Variants in ADAM33 observed in about 807,000 individuals in gnomAD.
ADAM33 encodes ADAM metallopeptidase domain 33, also known as disintegrin and metalloproteinase domain-containing protein 33.
In ADAM33, 103 loss-of-function variants were observed where a neutral mutation model predicts 106.2. The ratio of observed to expected loss-of-function variants is 0.97; its 90% CI spans 0.83 to 1.14. ADAM33 has a LOEUF of 1.14. Ranked by LOEUF, ADAM33 falls within the 50% of genes most tolerant of loss-of-function variation. ADAM33 has a pLI of 0.00. For missense variants in ADAM33, 1,120 were observed against 1,096.6 expected, an observed-to-expected ratio of 1.02 and a Z score of -0.30; for synonymous variants, 483 against 453.0, an observed-to-expected ratio of 1.07 and a Z score of -0.84.
Position 3,673,639 on chromosome 20 carries a change from C to A in ADAM33, c.925G>T (p.Ala309Ser). The A allele has an allele frequency of 2.2e-6, 3 of 1,349,646 alleles. No individual in the cohort carries two copies. Among genetic ancestry groups the A allele is most frequent in the Non-Finnish European group, 2.8e-6 (3 of 1,057,934 alleles). 83.6% of individuals were successfully genotyped at this position (1,349,646 alleles called of 1,614,324 possible). Residue 309 changes from alanine (A) to serine (S), a missense_variant, in exon 10 of 22, where the codon GCC (alanine) becomes TCC (serine). Physicochemically the swap from Ala to Ser is moderately conservative, Grantham distance 99. Transcript: ENST00000356518. ...QLLTGRAFQGATVGLAPVEGM... is the reference protein window; with the variant it reads ...QLLTGRAFQGSTVGLAPVEGM... ...TCGACGGGCGCCAGGCCCACTGTGG[C>A]GCCCTGGAAGGCGCGGCCCCTGGGG...
In ADAM33 at chr20:3,671,446, GC is replaced by G. The variant is rs1246527292; in HGVS notation, c.1955del (p.Arg652ProfsTer3). 6.2e-7 allele frequency: 1 copy of G among 1,612,456 alleles called. No individual in the cohort carries two copies. The highest frequency in any genetic ancestry group is 8.5e-7 in the Non-Finnish European group (1 of 1,179,292). ...CRKNAFQELQRCLTACHSHGV... is the reference protein window; with the variant it reads ...CRKNAFQELQXCLTACHSHGV... ...CGTGGCTGTGGCAGGCAGTCAGGCA[GC>G]GCTGAAGCTCCTGGAAGGCATTCTT... On this transcript the variant is annotated frameshift_variant, in exon 17 of 22. Transcript: ENST00000356518. LOFTEE classifies it high-confidence loss of function.
At position 3,672,835 on chromosome 20, in the gene ADAM33, C is replaced by CT; in HGVS notation, c.1196dup (p.Gly402ArgfsTer31). On this transcript the variant is annotated frameshift_variant, in exon 12 of 22. Coordinates refer to ENST00000356518, the MANE Select transcript of ADAM33 (RefSeq NM_025220.5). LOFTEE classifies it high-confidence loss of function. ...CATTGGAGAGGCAAGCGCCGCCCCCCTTGCGGAAGAAGGCGCGCAGCTGGC... is the reference window on the plus strand; with the variant it reads ...CATTGGAGAGGCAAGCGCCGCCCCCCTTTGCGGAAGAAGGCGCGCAGCTGGC... 6.3e-7 allele frequency: 1 copy of CT among 1,576,686 alleles called. No individual in the cohort carries two copies. The highest frequency in any genetic ancestry group is 8.6e-7 in the Non-Finnish European group (1 of 1,168,402).
chr20:3,673,832 T>C lies in ADAM33; in HGVS notation c.818A>G (p.Gln273Arg). 6.4e-7 allele frequency: 1 copy of C among 1,560,582 alleles called. No homozygotes were observed. Among genetic ancestry groups the C allele is most frequent in the Non-Finnish European group, 8.6e-7 (1 of 1,161,068 alleles). The change falls in exon 9 of 22, where the codon CAG becomes CGG. Residue 273 changes from glutamine (Q) to arginine (R), a missense_variant. Transcript: ENST00000356518. ...WTERDRSRVT[Q>R]DANATLWAFL... is the part of the protein sequence containing the mutation. ...GGCCCAGAGCGTGGCGTTGGCGTCC[T>C]GCGTGACGCGGCTGCGGTCCCGCTC...
Position 3,669,312 on chromosome 20 carries a change from C to T in ADAM33, c.2391G>A (p.Ser797=), listed in dbSNP as rs768538096. Reference sequence around the variant, plus strand: ...GTCCCTGCCTACCTTGGGGGTCAGGCGAGACTGCTGGCAGAGGCTTCTCAG... The same window carrying T: ...GTCCCTGCCTACCTTGGGGGTCAGGTGAGACTGCTGGCAGAGGCTTCTCAG... ...SHPEKPLPAV[S]PDPQADQVQM... Residue 797 remains serine (S), a synonymous_variant, in exon 21 of 22, where the codon TCG becomes TCA. Coordinates refer to ENST00000356518, the MANE Select transcript of ADAM33 (RefSeq NM_025220.5). 104 of 1,595,758 alleles carry T rather than the reference C, an allele frequency of 6.5e-5. No homozygotes were observed. In the East Asian group the frequency reaches 2.1e-3, roughly 32 times the overall value.
intron 1 of ADAM33, 103 bp from the exon 2 acceptor site, chr20:3,679,674 G>A: frequency 9.4e-7 from 1 of 1,063,416 alleles, no homozygotes; most frequent in Non-Finnish European, 1.4e-6. Flanking sequence ...GGAGGCACTG[G>A]AGGCCTTTTG....
chr20:3,673,609 TGCCCTCGACGGGCGCCAG>T lies in ADAM33; in HGVS notation c.937_954del (p.Leu313_Gly318del). 7.3e-7 allele frequency: 1 copy of T among 1,363,304 alleles called. No individual in the cohort carries two copies. The highest frequency in any genetic ancestry group is 4.0e-5 in the Admixed American group (1 of 25,282). 84.5% of individuals were successfully genotyped at this position (1,363,304 alleles called of 1,614,324 possible). A position where few individuals can be genotyped will look rare whatever the true frequency, so the allele number is the denominator to read the frequency against. On this transcript the variant is annotated inframe_deletion, in exon 10 of 22. Coordinates refer to ENST00000356518, the MANE Select transcript of ADAM33 (RefSeq NM_025220.5). ...CCTCCCGAGCTCTCGGCGCGGCACA[TGCCCTCGACGGGCGCCAG>T]GCCCACTGTGGCGCCCTGGAAGGCG... is the stretch of plus-strand genomic sequence containing the variant.
Position 3,673,565 on chromosome 20 carries a change from G to A in ADAM33, c.990+9C>T, listed in dbSNP as rs2087712324. ...CTGTCTCTCCCTCGCCCCCGCCCGC[G>A]GGGCTCACCGTGCTCACGCCTCCCG... On this transcript the variant is annotated intron_variant, in intron 10 of 21. Coordinates refer to ENST00000356518, the MANE Select transcript of ADAM33 (RefSeq NM_025220.5). The A allele has an allele frequency of 7.2e-7, 1 of 1,393,426 alleles. No homozygotes were observed. The highest frequency in any genetic ancestry group is 1.5e-5 in the African/African-American group (1 of 65,702). The allele number at this position is 1,393,426 out of a possible 1,614,324, so 86.3% of individuals were successfully genotyped here.
chr20:3,679,941 A>G (rs41377847), intron 1 of ADAM33, among the ~76,000 whole-genome samples: 1 of 152,166 alleles, frequency 6.6e-6, no homozygotes, highest in African/African-American at 2.4e-5. Context: ...TTAGATGGGC[A>G]GCAGATGCCT....
chr20:3,673,221 AC>A, intron 11 of ADAM33, 132 bp downstream of exon 11: 1 of 1,533,354 alleles, frequency 6.5e-7, no homozygotes. Flanking sequence ...CTCATAAACC[AC>A]CCTGAAGCGG....
rs2146384023 is a variant in ADAM33, at chr20:3,672,833, C to G, written c.1199G>C (p.Gly400Ala). The change falls in exon 12 of 22, where the codon GGG (glycine) becomes GCG (alanine). Residue 400 changes from glycine (G) to alanine (A), a missense_variant. Gly to Ala is a moderately conservative substitution (Grantham distance 60, BLOSUM62 0). Coordinates refer to ENST00000356518, the MANE Select transcript of ADAM33 (RefSeq NM_025220.5). ...RRQLRAFFRK[G>A]GGACLSNAPD... is the part of the protein sequence containing the mutation. ...GGCATTGGAGAGGCAAGCGCCGCCC[C>G]CCTTGCGGAAGAAGGCGCGCAGCTG... 6.3e-7 allele frequency: 1 copy of G among 1,576,364 alleles called. No homozygotes were observed. The highest frequency in any genetic ancestry group is 8.6e-7 in the Non-Finnish European group (1 of 1,168,064).
Position 3,670,967 on chromosome 20 carries a change from C to T in ADAM33, c.2240+39G>A, listed in dbSNP as rs768954434. The T allele has an allele frequency of 3.5e-5, 53 of 1,516,964 alleles. 1 individual carries two copies. The highest frequency in any genetic ancestry group is 4.9e-5 in the East Asian group (2 of 40,610). The allele number at this position is 1,516,964 out of a possible 1,614,324, so 94.0% of individuals were successfully genotyped here. A position where few individuals can be genotyped will look rare whatever the true frequency, so the allele number is the denominator to read the frequency against. On this transcript the variant is annotated intron_variant, in intron 19 of 21. Transcript: ENST00000356518. ...CCAGCAGAGCTCTGAGGAGGGGAACCGCAGGAGTAGGCTCAGGAAGCAGGC... is the reference window on the plus strand; with the variant it reads ...CCAGCAGAGCTCTGAGGAGGGGAACTGCAGGAGTAGGCTCAGGAAGCAGGC...
At chr20:3,669,040 G>T in intron 21 of ADAM33, 40 bp from the exon 22 acceptor site, 1 of 1,608,576 alleles carries the variant, frequency 6.2e-7, no homozygotes, top group Non-Finnish European at 8.5e-7. Flanking sequence ...AAGGACTGGG[G>T]CCCCAGGCTG....
chr20:3,679,402 C>G lies in ADAM33; in HGVS notation c.177+90G>C, dbSNP rs898101299. ...TAGTGACTTGGTGGTTCTGGGGACC[C>G]CAGCAAAACTAGAAGCTGTAATGTA... is the stretch of plus-strand genomic sequence containing the variant. On this transcript the variant is annotated intron_variant, in intron 2 of 21. Transcript: ENST00000356518. The G allele has an allele frequency of 2.9e-6, 4 of 1,396,494 alleles. No homozygotes were observed. The Admixed American group carries it at 6.1e-5, about 21-fold the overall frequency. 86.5% of individuals were successfully genotyped at this position (1,396,494 alleles called of 1,614,324 possible).
Position 3,671,433 on chromosome 20 carries a change from A to T in ADAM33, c.1969T>A (p.Cys657Ser), listed in dbSNP as rs2087527675. The T allele has an allele frequency of 6.2e-7, 1 of 1,612,386 alleles. No homozygotes were observed. The highest frequency in any genetic ancestry group is 2.2e-5 in the East Asian group (1 of 44,864). Residue 657 changes from cysteine (C) to serine (S), a missense_variant, in exon 17 of 22, where the codon TGC (cysteine) becomes AGC (serine). By Grantham distance (112) the Cys-to-Ser change is moderately radical. Transcript: ENST00000356518. ...CGGGCTCTCACCCCGTGGCTGTGGCAGGCAGTCAGGCAGCGCTGAAGCTCC... is the reference window on the plus strand; with the variant it reads ...CGGGCTCTCACCCCGTGGCTGTGGCTGGCAGTCAGGCAGCGCTGAAGCTCC... The part of the protein sequence containing the change: ...FQELQRCLTA[C>S]HSHGVCNSNH...
Position 3,674,869 on chromosome 20 carries a change from C to T in ADAM33, c.334-20G>A. ...ATGATCCTAGGGAGGAAGGGGCCAG[C>T]CCCAAATCTCAGCCAGGGCTGGAGC... On this transcript the variant is annotated intron_variant, in intron 4 of 21. Coordinates refer to ENST00000356518, the MANE Select transcript of ADAM33 (RefSeq NM_025220.5). 1 of 1,608,462 alleles carries T rather than the reference C, an allele frequency of 6.2e-7. No homozygotes were observed. The highest frequency in any genetic ancestry group is 8.5e-7 in the Non-Finnish European group (1 of 1,176,690).
At chr20:3,681,816 G>C in intron 1 of ADAM33, 92 bp downstream of exon 1, 1 of 1,473,404 alleles carries the variant, frequency 6.8e-7, no homozygotes, top group Non-Finnish European at 8.9e-7. Flanking sequence ...GAGACCCTCC[G>C]CGCGCTGACC....
rs1361112733 is a variant in ADAM33, at chr20:3,672,604, A to C, written c.1334T>G (p.Phe445Cys). The change falls in exon 13 of 22, where the codon TTT (phenylalanine) becomes TGT (cysteine). Residue 445 changes from phenylalanine (F) to cysteine (C), a missense_variant. Coordinates refer to ENST00000356518, the MANE Select transcript of ADAM33 (RefSeq NM_025220.5). ...CGGGCGCAGCGAGCAGTTGTGAGCA[A>C]AGCAGCAGAGGTCGCGGCACTCCTG... The part of the protein sequence containing the change: ...PGQECRDLCC[F>C]AHNCSLRPGA... 3 of 1,613,442 alleles carry C rather than the reference A, an allele frequency of 1.9e-6. No homozygotes were observed. The highest frequency in any genetic ancestry group is 2.5e-6 in the Non-Finnish European group (3 of 1,179,918).
rs186657328 is a variant in ADAM33, at chr20:3,681,682, G to T, written c.97+226C>A. 6.3e-3 allele frequency among the ~76,000 whole-genome samples: 962 copies of T among 152,266 alleles called. 10 individuals carry two copies. The highest frequency in any genetic ancestry group is 0.022 in the African/African-American group (914 of 41,560). The stretch of plus-strand genomic sequence containing the variant: ...TTGCCAGCGGAGTGGCAGCCGGGCA[G>T]TGTGGGCAAGTCCGGGCCCGGGGCC... On this transcript the variant is annotated intron_variant, in intron 1 of 21. Transcript: ENST00000356518.
At chr20:3,669,069 G>A (rs1568793450) in intron 21 of ADAM33, 69 bp from the exon 22 acceptor site, 5 of 1,538,666 alleles carry the variant, frequency 3.2e-6, no homozygotes, top group African/African-American at 1.4e-5. Flanking sequence ...GTGGCAGAGA[G>A]CCCATCCTCA....
Sources: gnomAD v4.1 joint callset for allele counts (sites outside exome capture counted in the v4.1 genomes callset) on GRCh38, gnomAD v4.1.1 for gene constraint, MANE v1.5 for transcripts, NCBI Gene and HGNC (gene_info 2026-07-23, HGNC 2026-07-21) for gene names.